The following TMPRSS9 variants were observed in gnomAD, a reference collection of about 807,000 sequenced individuals.
TMPRSS9 encodes transmembrane serine protease 9.
Under a neutral mutation model 111.4 loss-of-function variants are expected in TMPRSS9, and 113 were observed. The observed-to-expected ratio is 1.01, with a 90% confidence interval of 0.87 to 1.19. TMPRSS9 has a LOEUF of 1.19. TMPRSS9 is among the 50% of genes most tolerant of loss of function. TMPRSS9 has a pLI of 0.00. For missense variants in TMPRSS9, 1,803 were observed against 1,513.1 expected, an observed-to-expected ratio of 1.19 and a Z score of -3.18; for synonymous variants, 805 against 659.1, an observed-to-expected ratio of 1.22 and a Z score of -3.39.
chr19:2,424,027 G>C, intron 14 of TMPRSS9, 62 bp from the exon 16 acceptor site: 1 of 1,244,276 alleles, frequency 8.0e-7, no homozygotes, highest in Non-Finnish European at 1.0e-6. Context: ...GCGGCGCCCA[G>C]GGGGGCCTTC....
chr19:2,396,916 T>G (rs923360171), intron 2 of TMPRSS9, among the ~76,000 whole-genome samples: 6 of 151,754 alleles, frequency 4.0e-5, no homozygotes, highest in Non-Finnish European at 7.4e-5. Flanking sequence ...TTTAGAGGTT[T>G]TTTTTTTTTT....
In TMPRSS9 at chr19:2,416,525, C is replaced by G. The variant is rs1325514014; in HGVS notation, c.1746-13C>G. On this transcript the variant is annotated splice_polypyrimidine_tract_variant and intron_variant, in intron 11 of 17. Coordinates refer to ENST00000648592, the Ensembl canonical transcript of TMPRSS9. ...CTGGAGGGCAGGCATGTCTGAGGGC[C>G]CTGTCTCCATAGCACGAAGGTGGAG... is the stretch of plus-strand genomic sequence containing the variant. 1 of 1,597,972 alleles carries G rather than the reference C, an allele frequency of 6.3e-7. No homozygotes were observed. Among genetic ancestry groups the G allele is most frequent in the African/African-American group, 1.3e-5 (1 of 74,882 alleles).
intron 1 of TMPRSS9, among the ~76,000 whole-genome samples, chr19:2,369,138 A>G (rs906519836): frequency 6.6e-6 from 1 of 151,954 alleles, no homozygotes; most frequent in African/African-American, 2.4e-5. Flanking sequence ...TTTAGTACAG[A>G]TGGGGTTTCA....
At chr19:2,405,653 T>C in intron 7 of TMPRSS9, 108 bp downstream of exon 8, 1 of 1,209,578 alleles carries the variant, frequency 8.3e-7, no homozygotes, top group Non-Finnish European at 1.1e-6. Flanking sequence ...CTGGAAGTAA[T>C]TTTTTCTTTT....
intron 1 of TMPRSS9, among the ~76,000 whole-genome samples, chr19:2,374,376 C>T (rs766443278): frequency 7.1e-6 from 1 of 140,314 alleles, no homozygotes; most frequent in Non-Finnish European, 1.5e-5. Context: ...AGTTCGAGAC[C>T]ACCCTGACCA....
Position 2,411,931 on chromosome 19 carries a change from T to G in TMPRSS9, c.1254+1537T>G, listed in dbSNP as rs887698692. ...TGGTCTTGTTTGCAGTGTCCTGTTC[T>G]TGTTTCGTGGATACCATTTCTTTCT... On this transcript the variant is annotated intron_variant, in intron 9 of 17. Coordinates refer to ENST00000648592, the Ensembl canonical transcript of TMPRSS9. Among the ~76,000 whole-genome samples, 9 of 152,220 alleles carry G rather than the reference T, an allele frequency of 5.9e-5. No individual in the cohort carries two copies. In the East Asian group the frequency reaches 1.3e-3, roughly 23 times the overall value.
At chr19:2,425,773 T>A in intron 17 of TMPRSS9, 154 bp from the exon 19 acceptor site, 1 of 1,253,016 alleles carries the variant, frequency 8.0e-7, no homozygotes, top group Non-Finnish European at 1.1e-6. Context: ...TGTCCATAAA[T>A]GTCTGCCACC....
In TMPRSS9 at chr19:2,411,299, CAAAAAAAAAAAAAA is replaced by C. The variant is rs771305642; in HGVS notation, c.1254+926_1254+939del. Among the ~76,000 whole-genome samples, 78 of 32,324 alleles carry C rather than the reference CAAAAAAAAAAAAAA, an allele frequency of 2.4e-3. 1 individual carries two copies. The highest frequency in any genetic ancestry group is 8.2e-3 in the African/African-American group (56 of 6,850). 21.2% of individuals were successfully genotyped at this position (32,324 alleles called of 152,430 possible). A position where few individuals can be genotyped will look rare whatever the true frequency, so the allele number is the denominator to read the frequency against. On this transcript the variant is annotated intron_variant, in intron 9 of 17. Transcript: ENST00000648592. ...TGGGCGACAAAGCAAGACTCTGTCT[CAAAAAAAAAAAAAA>C]AAAAAAAAAAAAAAAAAAAAGAGAA...
chr19:2,361,178 C>G (rs1427440978), intron 1 of TMPRSS9, among the ~76,000 whole-genome samples: 1 of 66,882 alleles, frequency 1.5e-5, no homozygotes. Context: ...GGGTGTGGTG[C>G]GGGGCTGGGG....
chr19:2,416,568 G>A, exon 12 of TMPRSS9: 1 of 1,611,114 alleles, frequency 6.2e-7, no homozygotes. Context: ...GGGCCCACCT[G>A]GGCACTGCGT....
chr19:2,419,717 A>G (rs1268142354), intron 13 of TMPRSS9, among the ~76,000 whole-genome samples: 1 of 151,806 alleles, frequency 6.6e-6, no homozygotes, highest in Non-Finnish European at 1.5e-5. Flanking sequence ...TGGTTTCACC[A>G]TGTTGGCCAG....
At chr19:2,412,431 G>A (rs1434935928) in intron 9 of TMPRSS9, among the ~76,000 whole-genome samples, 3 of 152,158 alleles carry the variant, frequency 2.0e-5, no homozygotes, top group South Asian at 4.1e-4. Context: ...TAAAAATGTC[G>A]CTCAATTCTT....
At position 2,395,372 on chromosome 19, in the gene TMPRSS9, G is replaced by A. The variant is rs1394189014; in HGVS notation, c.143-1167G>A. Among the ~76,000 whole-genome samples, 4 of 151,972 alleles carry A rather than the reference G, an allele frequency of 2.6e-5. No homozygotes were observed. In the East Asian group the frequency reaches 7.8e-4, roughly 29 times the overall value. On this transcript the variant is annotated intron_variant, in intron 1 of 17. Transcript: ENST00000648592. ...CGCTTGAACCCGGGAGATGGAGGTT[G>A]CAGCGAGCTGAGAAAACACCACTGC... is the stretch of plus-strand genomic sequence containing the variant.
chr19:2,381,464 C>T (rs1405447450), intron 1 of TMPRSS9, among the ~76,000 whole-genome samples: 1 of 151,684 alleles, frequency 6.6e-6, no homozygotes. Context: ...CTAAACCATC[C>T]ATCAAGTGAT....
At chr19:2,385,283 T>G (rs913985095), upstream of TMPRSS9, among the ~76,000 whole-genome samples, 1 of 151,956 alleles carries the variant, frequency 6.6e-6, no homozygotes, top group Non-Finnish European at 1.5e-5. Context: ...CGGTGGAGTC[T>G]GCCTGCCCCA....
At chr19:2,378,257 A>G (rs1261772483) in intron 1 of TMPRSS9, among the ~76,000 whole-genome samples, 2 of 152,152 alleles carry the variant, frequency 1.3e-5, no homozygotes, top group Non-Finnish European at 2.9e-5. Flanking sequence ...AACTGTGTTT[A>G]GGCATTACTT....
At chr19:2,409,958 G>C (rs1599303623) in intron 8 of TMPRSS9, among the ~76,000 whole-genome samples, 1 of 152,072 alleles carries the variant, frequency 6.6e-6, no homozygotes, top group South Asian at 2.1e-4. Flanking sequence ...TGTGGACCTG[G>C]AATGAGGGGC....
chr19:2,426,201 G>T, exon 18 of TMPRSS9: 1 of 1,364,388 alleles, frequency 7.3e-7, no homozygotes, highest in Non-Finnish European at 9.9e-7. Context: ...GGGGGCTGTG[G>T]GTCATGGGGA....
At chr19:2,371,438 G>A (rs1025481209) in intron 1 of TMPRSS9, among the ~76,000 whole-genome samples, 5 of 152,036 alleles carry the variant, frequency 3.3e-5, no homozygotes, top group Non-Finnish European at 5.9e-5. Flanking sequence ...TGTAATCCCA[G>A]CACTTTGGGA....
Sources: allele counts gnomAD v4.1 joint callset (sites outside exome capture counted in the v4.1 genomes callset), GRCh38; gene constraint gnomAD v4.1.1; transcripts MANE v1.5; gene names NCBI Gene and HGNC (gene_info 2026-07-23, HGNC 2026-07-21).